Variants in CYB561A3 observed in about 807,000 individuals in gnomAD.
CYB561A3 encodes cytochrome b561 family member A3.
Under a neutral mutation model 25.3 loss-of-function variants are expected in CYB561A3, and 16 were observed. The ratio of observed to expected loss-of-function variants is 0.63; its 90% CI spans 0.43 to 0.96. The LOEUF (loss-of-function observed/expected upper bound fraction) is 0.96, where lower values mean the gene tolerates loss of function less well. Among genes scored for constraint, CYB561A3 ranks in the 40% least tolerant of loss-of-function variants. CYB561A3 has a pLI of 0.00. For missense variants in CYB561A3, 219 were observed against 307.5 expected, an observed-to-expected ratio of 0.71 and a Z score of 2.15; for synonymous variants, 131 against 129.9, an observed-to-expected ratio of 1.01 and a Z score of -0.06.
Position 61,353,985 on chromosome 11 carries a change from C to T in CYB561A3, c.192G>A (p.Leu64=). Residue 64 remains leucine, a synonymous_variant, in exon 4 of 7, where the codon CTG becomes CTA. Coordinates refer to ENST00000294072, the MANE Select transcript of CYB561A3 (RefSeq NM_153611.6). ...GMVVFYGGAS[L]VYRLPQSWVG... ...CCCACGACTGGGGCAGGCGGTACACCAGTGACGCTGCAGGAGAGAGTAGTG... is the reference window on the plus strand; with the variant it reads ...CCCACGACTGGGGCAGGCGGTACACTAGTGACGCTGCAGGAGAGAGTAGTG... 6.2e-7 allele frequency: 1 copy of T among 1,614,096 alleles called. No homozygotes were observed. Among genetic ancestry groups the T allele is most frequent in the South Asian group, 1.1e-5 (1 of 91,082 alleles).
Position 61,353,666 on chromosome 11 carries a change from A to G in CYB561A3, c.393+118T>C. Reference sequence around the variant, plus strand: ...TAAACTGTCAGTTCTACAAGATAACAATCTGCAAGTCCCTCTCCAAGCAGT... The same window carrying G: ...TAAACTGTCAGTTCTACAAGATAACGATCTGCAAGTCCCTCTCCAAGCAGT... On this transcript the variant is annotated intron_variant, in intron 4 of 6. Coordinates refer to ENST00000294072, the MANE Select transcript of CYB561A3 (RefSeq NM_153611.6). 9 of 1,120,650 alleles carry G rather than the reference A, an allele frequency of 8.0e-6. No individual in the cohort carries two copies. The South Asian group carries it at 1.2e-4, about 15-fold the overall frequency. The allele number at this position is 1,120,650 out of a possible 1,614,324, so 69.4% of individuals were successfully genotyped here.
chr11:61,351,264 C>A, intron 5 of CYB561A3, 117 bp from the exon 6 acceptor site: 620 of 605,310 alleles, frequency 1.0e-3, no homozygotes, highest in Non-Finnish European at 1.4e-3. Flanking sequence ...CATATGTGAT[C>A]TAGAATTTTA....
intron 2 of CYB561A3, chr11:61,357,030 G>C: frequency 6.9e-7 from 1 of 1,455,604 alleles, no homozygotes; most frequent in South Asian, 1.3e-5. Flanking sequence ...CAGAGTCCTG[G>C]GATTCCTCTC....
Position 61,349,839 on chromosome 11 carries a change from T to G in CYB561A3, c.*560A>C. 2 of 584,068 alleles carry G rather than the reference T, an allele frequency of 3.4e-6. No homozygotes were observed. Among genetic ancestry groups the G allele is most frequent in the East Asian group, 2.9e-5 (1 of 34,778 alleles). The allele number at this position is 584,068 out of a possible 1,614,324, so 36.2% of individuals were successfully genotyped here. A position where few individuals can be genotyped will look rare whatever the true frequency, so the allele number is the denominator to read the frequency against. ...GGATGGCAGAGCAGATGAAGCCTGC[T>G]CTGTGGCGGGGCAGCCTAACTGAAA... On this transcript the variant is annotated 3_prime_UTR_variant, in exon 7 of 7. Transcript: ENST00000294072.
intron 4 of CYB561A3, 198 bp from the exon 5 acceptor site, chr11:61,353,337 G>C: frequency 1.4e-6 from 1 of 699,086 alleles, no homozygotes; most frequent in South Asian, 1.9e-5. Context: ...TAAATGACAT[G>C]CTTAGCTACC....
At chr11:61,357,070 C>T (rs1478140468) in intron 2 of CYB561A3, 1 of 1,414,730 alleles carries the variant, frequency 7.1e-7, no homozygotes, top group African/African-American at 1.4e-5. Flanking sequence ...TAAAGAATTA[C>T]CACCCCATAC....
intron 4 of CYB561A3, 158 bp from the exon 5 acceptor site, chr11:61,353,297 T>A (rs946281256): frequency 2.1e-6 from 2 of 931,110 alleles, no homozygotes; most frequent in African/African-American, 3.3e-5. Context: ...GCTTCCTCAT[T>A]GTGGCCTATT....
intron 5 of CYB561A3, chr11:61,351,942 A>C (rs2135106198): frequency 6.6e-6 from 1 of 152,134 alleles, no homozygotes. Context: ...GGAGAGAGAG[A>C]GGGTCTTCCT....
At position 61,356,530 on chromosome 11, in the gene CYB561A3, C is replaced by G; in HGVS notation, c.184G>C (p.Ala62Pro). Reference sequence around the variant, plus strand: ...CCTCCCTTCCTGACCTCTTACTCACCACCTCCATAGAATACCACCATGCCA... The same window carrying G: ...CCTCCCTTCCTGACCTCTTACTCACGACCTCCATAGAATACCACCATGCCA... ...VAGMVVFYGGASLVYRLPQSW... is the reference protein window; with the variant it reads ...VAGMVVFYGGPSLVYRLPQSW... The change falls in exon 3 of 7, where the codon GCG becomes CCG. Residue 62 changes from alanine to proline, a missense_variant and splice_region_variant. Coordinates refer to ENST00000294072, the MANE Select transcript of CYB561A3 (RefSeq NM_153611.6). The G allele has an allele frequency of 6.2e-7, 1 of 1,613,464 alleles. No individual in the cohort carries two copies. The highest frequency in any genetic ancestry group is 8.5e-7 in the Non-Finnish European group (1 of 1,179,664).
intron 3 of CYB561A3, chr11:61,354,534 G>A (rs755544231): frequency 4.4e-5 from 7 of 159,858 alleles, no homozygotes; most frequent in Admixed American, 5.9e-5. Context: ...TCAGCTACTT[G>A]GGGGACTGAG....
rs1250513327 is a variant in CYB561A3 at position 61,350,411 on chromosome 11, A to G, written c.717T>C (p.His239=). The change falls in exon 7 of 7, where the codon CAT becomes CAC. Residue 239 remains histidine (H), a synonymous_variant. Coordinates refer to ENST00000294072, the MANE Select transcript of CYB561A3 (RefSeq NM_153611.6). ...CCTTCCTGCTGCTTCACTCCCCATC[A>G]TGCAGCAGGGGCTGGAAAGAGAGGC... is the stretch of plus-strand genomic sequence containing the variant. ...GILTDRQPLL[H]DGE 9 of 1,611,312 alleles carry G rather than the reference A, an allele frequency of 5.6e-6. No individual in the cohort carries two copies. The highest frequency in any genetic ancestry group is 7.6e-6 in the Non-Finnish European group (9 of 1,179,194).
intron 3 of CYB561A3, chr11:61,354,833 G>A (rs1347851412): frequency 6.6e-6 from 1 of 151,486 alleles, no homozygotes; most frequent in Non-Finnish European, 1.5e-5. Flanking sequence ...CCAAATCCAG[G>A]CTCTGCCTCT....
chr11:61,354,254 G>T, intron 3 of CYB561A3: 1 of 501,346 alleles, frequency 2.0e-6, no homozygotes, highest in South Asian at 2.1e-5. Flanking sequence ...CTTTTTGGGA[G>T]GCCAAGGTGG....
At chr11:61,360,133 T>C (rs1237624276) in intron 1 of CYB561A3, 1 of 150,988 alleles carries the variant, frequency 6.6e-6, no homozygotes, top group Non-Finnish European at 1.5e-5. Context: ...TCTCAGCTAC[T>C]CAGGAGGCTG....
chr11:61,356,325 G>A (rs1857651480), intron 3 of CYB561A3: 1 of 671,156 alleles, frequency 1.5e-6, no homozygotes, highest in South Asian at 2.2e-5. Flanking sequence ...TCCTGCCCTA[G>A]AGTATTTGTG....
intron 4 of CYB561A3, chr11:61,353,486 G>A: frequency 1.5e-6 from 1 of 663,288 alleles, no homozygotes; most frequent in Non-Finnish European, 2.8e-6. Context: ...ACAGAGGTGG[G>A]AGTGGGGAAA....
chr11:61,350,600 A>G (rs987062930), intron 6 of CYB561A3, 178 bp from the exon 7 acceptor site: 23 of 735,344 alleles, frequency 3.1e-5, no homozygotes, highest in African/African-American at 2.1e-4. Flanking sequence ...ACATCCCATC[A>G]AGACCTGCTC....
intron 3 of CYB561A3, 160 bp from the exon 4 acceptor site, chr11:61,354,152 T>C: frequency 8.2e-6 from 6 of 729,404 alleles, no homozygotes; most frequent in Non-Finnish European, 1.3e-5. Context: ...CTCCCATGAT[T>C]TGTGGGATAA....
Position 61,353,142 on chromosome 11 carries a change from G to A in CYB561A3, c.394-3C>T, listed in dbSNP as rs1320043392. On this transcript the variant is annotated splice_region_variant and splice_polypyrimidine_tract_variant and intron_variant, in intron 4 of 6. Transcript: ENST00000294072. ...AAGACAGCAAAGCCCAGGAACCACTGTGGACAAAAGGGAGGACACACCCGA... is the reference window on the plus strand; with the variant it reads ...AAGACAGCAAAGCCCAGGAACCACTATGGACAAAAGGGAGGACACACCCGA... 1 of 1,599,212 alleles carries A rather than the reference G, an allele frequency of 6.3e-7. No individual in the cohort carries two copies. The highest frequency in any genetic ancestry group is 1.3e-5 in the African/African-American group (1 of 74,212).
Sources: allele counts gnomAD v4.1 joint callset, GRCh38; gene constraint gnomAD v4.1.1; transcripts MANE v1.5; gene names NCBI Gene and HGNC (gene_info 2026-07-23, HGNC 2026-07-21).